TMPRSS9: variants seen among roughly 807,000 people sequenced by gnomAD.
TMPRSS9 encodes transmembrane serine protease 9.
In TMPRSS9, 113 loss-of-function variants were observed where a neutral mutation model predicts 111.4. The observed-to-expected ratio is 1.01, with a 90% confidence interval of 0.87 to 1.19. TMPRSS9 has a LOEUF of 1.19. Ranked by LOEUF, TMPRSS9 falls within the 50% of genes most tolerant of loss-of-function variation. TMPRSS9 has a pLI of 0.00. For synonymous variants in TMPRSS9, 805 were observed against 659.1 expected (o/e 1.22, Z -3.39); for missense variants, 1,803 against 1,513.1 (o/e 1.19, Z -3.18).
exon 14 of TMPRSS9, chr19:2,421,927 G>C (rs781707657): frequency 6.2e-7 from 1 of 1,613,166 alleles, no homozygotes; most frequent in African/African-American, 1.3e-5. Flanking sequence ...GTGAGCTGGG[G>C]TATTGGCTGC....
chr19:2,421,508 G>A (rs7245588), intron 13 of TMPRSS9, among the ~76,000 whole-genome samples: 1 of 151,694 alleles, frequency 6.6e-6, no homozygotes, highest in African/African-American at 2.4e-5. Flanking sequence ...AGGCTGGCCT[G>A]GAACTCCTGA....
At chr19:2,364,868 T>G (rs1970236212) in intron 1 of TMPRSS9, among the ~76,000 whole-genome samples, 1 of 151,380 alleles carries the variant, frequency 6.6e-6, no homozygotes, top group African/African-American at 2.4e-5. Context: ...GCGCCTGTAA[T>G]CTCGGGAGGC....
At chr19:2,399,287 A>C (rs77053555) in intron 4 of TMPRSS9, 94 bp downstream of exon 5, 71,998 of 1,442,376 alleles carry the variant, frequency 0.05, 1,981 homozygotes, top group East Asian at 0.073. Context: ...CCTTCCCATA[A>C]AAAGAAAACA....
intron 1 of TMPRSS9, among the ~76,000 whole-genome samples, chr19:2,381,899 G>C (rs1157488720): frequency 6.6e-6 from 1 of 152,190 alleles, no homozygotes; most frequent in Non-Finnish European, 1.5e-5. Context: ...CTTGAGTGCA[G>C]TGGCGCAATC....
rs562487888 is a variant in TMPRSS9, at chr19:2,393,999, G to A, written c.143-2540G>A. Among the ~76,000 whole-genome samples, 3 of 150,688 alleles carry A rather than the reference G, an allele frequency of 2.0e-5. No individual in the cohort carries two copies. In the East Asian group the frequency reaches 5.9e-4, roughly 29 times the overall value. ...GGGCGGATCATGAGGTCAGGAGATTGAAACCATCCTGGCCAACATGATGAA... is the reference window on the plus strand; with the variant it reads ...GGGCGGATCATGAGGTCAGGAGATTAAAACCATCCTGGCCAACATGATGAA... On this transcript the variant is annotated intron_variant, in intron 1 of 17. Coordinates refer to ENST00000648592, the Ensembl canonical transcript of TMPRSS9.
intron 15 of TMPRSS9, 107 bp from the exon 17 acceptor site, chr19:2,424,895 G>A (rs1971569581): frequency 4.6e-6 from 6 of 1,311,650 alleles, no homozygotes; most frequent in East Asian, 6.5e-5. Flanking sequence ...AGACCAAGAG[G>A]CCAATAACCC....
In TMPRSS9 at chr19:2,422,218, C is replaced by T. The variant is rs777177113; in HGVS notation, c.2519C>T (p.Pro840Leu). ...GGACAGACGCCATTTCCAGACGCCC[C>T]GGAGGCCACCACACACACCCAGCTA... Residue 840 changes from proline (P) to leucine (L), a missense_variant, in exon 14 of 18, where the codon CCG becomes CTG. Physicochemically the swap from Pro to Leu is moderately conservative, Grantham distance 98. Transcript: ENST00000648592. 1.7e-5 allele frequency: 26 copies of T among 1,520,906 alleles called. No individual in the cohort carries two copies. The highest frequency in any genetic ancestry group is 5.2e-5 in the South Asian group (4 of 77,340). 94.2% of individuals were successfully genotyped at this position (1,520,906 alleles called of 1,614,324 possible).
chr19:2,364,829 C>CA (rs1199736900), intron 1 of TMPRSS9, among the ~76,000 whole-genome samples: 6 of 151,362 alleles, frequency 4.0e-5, no homozygotes, highest in South Asian at 2.1e-4. Context: ...ACTAAAAATA[C>CA]AAAAAAAATT....
exon 10 of TMPRSS9, chr19:2,413,855 C>A (rs1207446885): frequency 1.2e-6 from 2 of 1,613,736 alleles, no homozygotes; most frequent in Non-Finnish European, 1.7e-6. Context: ...AGGCCACCAC[C>A]AAAGCCAGCA....
intron 4 of TMPRSS9, 49 bp from the exon 6 acceptor site, chr19:2,401,926 G>T (rs757925161): frequency 1.9e-6 from 3 of 1,584,238 alleles, no homozygotes; most frequent in African/African-American, 2.7e-5. Context: ...GTGTTCAAAG[G>T]GTTTTACCGC....
rs748195392 is a variant in TMPRSS9 at position 2,396,647 on chromosome 19, C to T, written c.251C>T (p.Thr84Met). ...ACCTCGGACTATCACCGCACGCTGA[C>T]GCCCACCCTGGAGGCACTGGTGAGG... The change falls in exon 2 of 18, where the codon ACG becomes ATG. Residue 84 changes from threonine to methionine, a missense_variant. Thr to Met is a moderately conservative substitution (Grantham distance 81). Transcript: ENST00000648592. The T allele has an allele frequency of 1.2e-5, 19 of 1,608,414 alleles. No homozygotes were observed. Among genetic ancestry groups the T allele is most frequent in the Middle Eastern group, 1.7e-4 (1 of 5,996 alleles).
chr19:2,401,756 C>T (rs1599296204), intron 4 of TMPRSS9, among the ~76,000 whole-genome samples: 1 of 151,356 alleles, frequency 6.6e-6, no homozygotes, highest in South Asian at 2.1e-4. Context: ...TACAGGCGCC[C>T]GGCACCACAC....
At chr19:2,379,624 T>C (rs189552618) in intron 1 of TMPRSS9, among the ~76,000 whole-genome samples, 78 of 125,758 alleles carry the variant, frequency 6.2e-4, no homozygotes, top group African/African-American at 2.6e-3. Flanking sequence ...TCTCTTTCTT[T>C]CTTTCTTTCT....
At chr19:2,393,968 C>T (rs1048381743) in intron 1 of TMPRSS9, among the ~76,000 whole-genome samples, 15 of 148,712 alleles carry the variant, frequency 1.0e-4, no homozygotes, top group African/African-American at 2.7e-4. Context: ...TCTGGGAGGC[C>T]GGGTTGGGCG....
chr19:2,400,541 C>CAAAAA (rs59218931), intron 4 of TMPRSS9, among the ~76,000 whole-genome samples: 1 of 149,734 alleles, frequency 6.7e-6, no homozygotes. Context: ...GACTCCATCT[C>CAAAAA]AAAAAAAAAT....
intron 1 of TMPRSS9, among the ~76,000 whole-genome samples, chr19:2,382,092 C>A (rs141329967): frequency 1.1e-4 from 17 of 152,286 alleles, no homozygotes; most frequent in African/African-American, 4.1e-4. Context: ...CCACTTGCCT[C>A]AGCCTCCCAG....
chr19:2,424,908 C>T (rs1971570032), intron 15 of TMPRSS9, 94 bp from the exon 17 acceptor site: 1 of 1,348,358 alleles, frequency 7.4e-7, no homozygotes, highest in Non-Finnish European at 9.5e-7. Context: ...AATAACCCTG[C>T]CCAGGGTGCC....
chr19:2,392,769 A>G (rs773265416), intron 1 of TMPRSS9, among the ~76,000 whole-genome samples: 3 of 152,152 alleles, frequency 2.0e-5, no homozygotes, highest in African/African-American at 4.8e-5. Context: ...AAACACACCA[A>G]TCAGTGCTCT....
At chr19:2,398,105 C>A (rs922323820) in intron 2 of TMPRSS9, among the ~76,000 whole-genome samples, 7 of 149,794 alleles carry the variant, frequency 4.7e-5, no homozygotes, top group African/African-American at 1.7e-4. Context: ...ACCAGCCTGG[C>A]CAACATAGTG....
Sources: allele counts gnomAD v4.1 joint callset (sites outside exome capture counted in the v4.1 genomes callset), GRCh38; gene constraint gnomAD v4.1.1; transcripts MANE v1.5; gene names NCBI Gene and HGNC (gene_info 2026-07-23, HGNC 2026-07-21).